The following FRK variants were observed in gnomAD, a reference collection of about 807,000 sequenced individuals.
The protein encoded by FRK is fyn related Src family tyrosine kinase, also known as tyrosine-protein kinase FRK.
FRK carries 51 observed loss-of-function variants against 56.4 expected under a neutral mutation model. The observed-to-expected ratio is 0.90, with a 90% CI of 0.72 to 1.14. The LOEUF is 1.14. Among genes scored for constraint, FRK ranks in the 50% most tolerant of loss-of-function variants. The probability of loss-of-function intolerance (pLI) is 0.00; values close to 1 mark genes in which losing one functional copy is unlikely to be tolerated. For missense variants in FRK, 570 were observed against 601.4 expected (o/e 0.95, Z 0.55); for synonymous variants, 245 against 217.9 (o/e 1.12, Z -1.10).
the FRK span, among the ~76,000 whole-genome samples, chr6:116,072,996 A>C: frequency 6.6e-6 from 1 of 152,278 alleles, no homozygotes; most frequent in Non-Finnish European, 1.5e-5. Flanking sequence ...TAATTTTAAA[A>C]ATTTTTTATG....
chr6:115,991,316 G>A (rs1047307776), intron 2 of FRK, among the ~76,000 whole-genome samples: 1 of 151,738 alleles, frequency 6.6e-6, no homozygotes, highest in Admixed American at 6.6e-5. Context: ...TATTGAATAG[G>A]AGTGGTGAGA....
intron 1 of FRK, among the ~76,000 whole-genome samples, chr6:116,015,566 G>A (rs1775618273): frequency 6.6e-6 from 1 of 152,178 alleles, no homozygotes; most frequent in African/African-American, 2.4e-5. Flanking sequence ...ACAGTTTGGA[G>A]GGCTCAGAAG....
chr6:116,011,689 A>G (rs1053661458), intron 1 of FRK, among the ~76,000 whole-genome samples: 2 of 152,176 alleles, frequency 1.3e-5, no homozygotes, highest in African/African-American at 2.4e-5. Flanking sequence ...TGTCACCCAC[A>G]TTGGCAAAAC....
chr6:116,033,091 T>C (rs1233992312), intron 1 of FRK, among the ~76,000 whole-genome samples: 8 of 152,108 alleles, frequency 5.3e-5, no homozygotes, highest in Non-Finnish European at 1.5e-5. Flanking sequence ...GCACTCAGCA[T>C]ACTTGAGCAA....
At chr6:116,072,555 AC>A in the FRK span, among the ~76,000 whole-genome samples, 5 of 146,460 alleles carry the variant, frequency 3.4e-5, no homozygotes, top group African/African-American at 1.2e-4. Context: ...ACACACACAC[AC>A]ACACACACAA....
At chr6:115,944,773 T>C (rs1772357389) in intron 5 of FRK, among the ~76,000 whole-genome samples, 1 of 152,144 alleles carries the variant, frequency 6.6e-6, no homozygotes, top group African/African-American at 2.4e-5. Context: ...GTTTGTTATA[T>C]AGGTAAACTT....
chr6:116,022,471 A>ATG (rs1223007079), intron 1 of FRK, among the ~76,000 whole-genome samples: 98 of 152,140 alleles, frequency 6.4e-4, no homozygotes, highest in Non-Finnish European at 7.9e-4. Context: ...TCACAACCAA[A>ATG]TGGGATTTAT....
chr6:116,087,558 T>C, the FRK span, among the ~76,000 whole-genome samples: 7 of 152,352 alleles, frequency 4.6e-5, no homozygotes, highest in East Asian at 1.2e-3. Flanking sequence ...AAACTATTTA[T>C]GGTAATTTCC....
At chr6:116,010,712 T>C (rs768621843) in intron 1 of FRK, among the ~76,000 whole-genome samples, 85 of 152,222 alleles carry the variant, frequency 5.6e-4, no homozygotes, top group Non-Finnish European at 1.1e-3. Context: ...GTGAGAATAA[T>C]AATAATTTCC....
intron 1 of FRK, among the ~76,000 whole-genome samples, chr6:116,023,275 T>C (rs910127625): frequency 1.3e-5 from 2 of 152,204 alleles, no homozygotes; most frequent in African/African-American, 4.8e-5. Flanking sequence ...GATGCAGCAA[T>C]TCCACTCTTG....
At chr6:116,089,077 T>C in the FRK span, among the ~76,000 whole-genome samples, 1 of 152,134 alleles carries the variant, frequency 6.6e-6, no homozygotes, top group African/African-American at 2.4e-5. Context: ...ACCATTTCAG[T>C]CTTCTTACAT....
the FRK span, among the ~76,000 whole-genome samples, chr6:116,097,055 G>C: frequency 1.3e-5 from 2 of 152,132 alleles, no homozygotes; most frequent in South Asian, 4.1e-4. Context: ...TCTTCTTCTT[G>C]TGGTAAGAAC....
At chr6:115,943,662 GA>G (rs960874456) in intron 6 of FRK, among the ~76,000 whole-genome samples, 4 of 151,816 alleles carry the variant, frequency 2.6e-5, no homozygotes, top group African/African-American at 4.8e-5. Flanking sequence ...TTTACAAAAA[GA>G]AAAAAATGAT....
chr6:115,980,420 T>A (rs374681392), intron 2 of FRK, among the ~76,000 whole-genome samples: 49 of 151,976 alleles, frequency 3.2e-4, no homozygotes, highest in African/African-American at 1.1e-3. Flanking sequence ...TGAGGATACA[T>A]CTGGCAGCTC....
intron 1 of FRK, among the ~76,000 whole-genome samples, chr6:116,014,078 T>A (rs996188914): frequency 6.6e-6 from 1 of 152,220 alleles, no homozygotes; most frequent in Non-Finnish European, 1.5e-5. Context: ...CACTATGATG[T>A]CACTGAGCTT....
At chr6:115,959,122 G>C (rs1562258098) in intron 4 of FRK, among the ~76,000 whole-genome samples, 1 of 152,170 alleles carries the variant, frequency 6.6e-6, no homozygotes, top group Non-Finnish European at 1.5e-5. Context: ...ATTTTTGCCT[G>C]TCAAAGCTAC....
At chr6:116,076,639 G>T in the FRK span, among the ~76,000 whole-genome samples, 7 of 152,262 alleles carry the variant, frequency 4.6e-5, no homozygotes, top group South Asian at 1.5e-3. Context: ...TTATTTTGAG[G>T]ATGAAAGCTG....
intron 1 of FRK, among the ~76,000 whole-genome samples, chr6:116,016,185 G>A (rs1357054632): frequency 6.6e-6 from 1 of 152,166 alleles, no homozygotes. Flanking sequence ...GCTGGGTACA[G>A]GGTCCTGCTG....
chr6:115,943,321 C>A, intron 6 of FRK, 136 bp from the exon 7 acceptor site: 3 of 590,754 alleles, frequency 5.1e-6, no homozygotes, highest in Non-Finnish European at 5.7e-6. Flanking sequence ...CTGACAATTA[C>A]AGTAGCAAAT....
Sources: allele counts gnomAD v4.1 joint callset (sites outside exome capture counted in the v4.1 genomes callset), GRCh38; gene constraint gnomAD v4.1.1; transcripts MANE v1.5; gene names NCBI Gene and HGNC (gene_info 2026-07-23, HGNC 2026-07-21).